The following EFR3A variants were observed in gnomAD, a reference collection of about 807,000 sequenced individuals.
EFR3A encodes protein EFR3 homolog A.
Under a neutral mutation model 104.4 loss-of-function variants are expected in EFR3A, and 76 were observed. The ratio of observed to expected loss-of-function variants is 0.73; its 90% CI spans 0.60 to 0.88. EFR3A has a LOEUF of 0.88. Ranked by LOEUF, EFR3A falls within the 40% of genes least tolerant of loss-of-function variation. The pLI is 0.00. For missense variants in EFR3A, 985 were observed against 1,012.5 expected, an observed-to-expected ratio of 0.97 and a Z score of 0.37; for synonymous variants, 330 against 330.0, an observed-to-expected ratio of 1.00 and a Z score of 0.00.
In EFR3A at chr8:131,955,760, C is replaced by T. The variant is rs779597151; in HGVS notation, c.639-8C>T. The T allele has an allele frequency of 6.3e-7, 1 of 1,598,424 alleles. No homozygotes were observed. The highest frequency in any genetic ancestry group is 8.5e-7 in the Non-Finnish European group (1 of 1,173,444). ...TTGTGTTTTTCTTTATTTCTCGTTC[C>T]TTTTTAGTCGCATAGGCCCTCCTTC... On this transcript the variant is annotated splice_polypyrimidine_tract_variant and splice_region_variant and intron_variant, in intron 6 of 22. Transcript: ENST00000254624.
chr8:131,993,913 G>T (rs1821341187), intron 18 of EFR3A, among the ~76,000 whole-genome samples: 1 of 152,068 alleles, frequency 6.6e-6, no homozygotes. Context: ...GGGGAACAAT[G>T]CACACTGGGA....
chr8:131,986,996 T>C (rs914615623), intron 17 of EFR3A, among the ~76,000 whole-genome samples: 1 of 152,136 alleles, frequency 6.6e-6, no homozygotes, highest in Non-Finnish European at 1.5e-5. Flanking sequence ...AAAATCCGTG[T>C]TATTTCCTGC....
chr8:131,977,891 C>T (rs2130730411), intron 12 of EFR3A, among the ~76,000 whole-genome samples: 1 of 152,020 alleles, frequency 6.6e-6, no homozygotes, highest in African/African-American at 2.4e-5. Flanking sequence ...AACTCCATTC[C>T]TCCTCTGATG....
intron 16 of EFR3A, 47 bp from the exon 17 acceptor site, chr8:131,986,147 G>GAGGGGT: frequency 1.0e-6 from 1 of 1,002,980 alleles, no homozygotes; most frequent in Non-Finnish European, 1.5e-6. Context: ...GCAAGGTACT[G>GAGGGGT]AGGGGTAGGG....
At chr8:131,947,247 T>A (rs1489097968) in intron 4 of EFR3A, among the ~76,000 whole-genome samples, 1 of 152,064 alleles carries the variant, frequency 6.6e-6, no homozygotes, top group Non-Finnish European at 1.5e-5. Flanking sequence ...ATTGTGGTTT[T>A]GATTTTCATT....
intron 8 of EFR3A, among the ~76,000 whole-genome samples, chr8:131,961,636 C>A (rs1043041442): frequency 6.6e-6 from 1 of 152,044 alleles, no homozygotes; most frequent in Non-Finnish European, 1.5e-5. Context: ...GAAAACACTG[C>A]AGGATATTAT....
In EFR3A at chr8:131,989,560, G is replaced by C. The variant is rs1821060763; in HGVS notation, c.2065+1858G>C. ...GGTGACACCACTAACAGCCTCTCCA[G>C]TTAGTTGCTTAATAAATTATTTGAT... On this transcript the variant is annotated intron_variant, in intron 18 of 22. Coordinates refer to ENST00000254624, the MANE Select transcript of EFR3A (RefSeq NM_015137.6). Among the ~76,000 whole-genome samples the C allele has an allele frequency of 2.0e-5, 3 of 152,170 alleles. No individual in the cohort carries two copies. The South Asian group carries it at 6.2e-4, about 32-fold the overall frequency.
At chr8:132,003,803 A>G (rs747241132) in intron 22 of EFR3A, among the ~76,000 whole-genome samples, 4 of 152,150 alleles carry the variant, frequency 2.6e-5, no homozygotes, top group Admixed American at 6.5e-5. Flanking sequence ...TCCTATGTCT[A>G]TACATTAATA....
chr8:131,979,587 G>A (rs1158347365), intron 14 of EFR3A, among the ~76,000 whole-genome samples, 166 bp downstream of exon 14: 7 of 151,962 alleles, frequency 4.6e-5, no homozygotes, highest in Non-Finnish European at 7.4e-5. Context: ...CATTCCTGTC[G>A]GTGTCTCCTC....
Position 131,986,197 on chromosome 8 carries a change from A to C in EFR3A, c.1873A>C (p.Ile625Leu). Residue 625 changes from isoleucine to leucine, a missense_variant, in exon 17 of 23, where the codon ATT (isoleucine) becomes CTT (leucine). Ile to Leu is a conservative substitution (Grantham distance 5). Coordinates refer to ENST00000254624, the MANE Select transcript of EFR3A (RefSeq NM_015137.6). ...TCTGTTTTTGAATATTTTTTAGGTT[A>C]TTGAAATTCGAACTATGGAAGCCCC... is the stretch of plus-strand genomic sequence containing the variant. ...PAFCQHVSKV[I>L]EIRTMEAPYF... is the part of the protein sequence containing the mutation. The C allele has an allele frequency of 6.4e-7, 1 of 1,571,644 alleles. No individual in the cohort carries two copies. The highest frequency in any genetic ancestry group is 8.7e-7 in the Non-Finnish European group (1 of 1,145,182).
chr8:131,946,004 A>G (rs1818419681), intron 3 of EFR3A, among the ~76,000 whole-genome samples: 1 of 152,222 alleles, frequency 6.6e-6, no homozygotes, highest in African/African-American at 2.4e-5. Flanking sequence ...TTTTAAGTAC[A>G]AGATGTAAAA....
At chr8:131,935,557 A>G in intron 1 of EFR3A, 2 of 429,178 alleles carry the variant, frequency 4.7e-6, no homozygotes, top group Non-Finnish European at 4.7e-6. Context: ...ATTATGTTAC[A>G]TGTGAGAATT....
chr8:131,991,081 G>T (rs138104157), intron 18 of EFR3A, among the ~76,000 whole-genome samples: 1 of 152,144 alleles, frequency 6.6e-6, no homozygotes, highest in South Asian at 2.1e-4. Flanking sequence ...ACAGTTCCAC[G>T]TGGCTGGGGA....
At chr8:131,985,206 G>A in intron 16 of EFR3A, 146 bp downstream of exon 16, 2 of 779,262 alleles carry the variant, frequency 2.6e-6, no homozygotes, top group Non-Finnish European at 4.1e-6. Flanking sequence ...TGAAACTACA[G>A]CTAAAACTGT....
At position 131,930,737 on chromosome 8, in the gene EFR3A, C is replaced by A. The variant is rs186878301; in HGVS notation, c.11-9762C>A. ...GTGGTCTTAGCCACAAATACCAGCT[C>A]CCTGTTGCCAGTGATAGGTCTTTAT... On this transcript the variant is annotated intron_variant, in intron 1 of 22. Transcript: ENST00000254624. Among the ~76,000 whole-genome samples the A allele has an allele frequency of 5.7e-4, 86 of 152,188 alleles. 1 individual carries two copies. Among genetic ancestry groups the A allele is most frequent in the African/African-American group, 2.0e-3 (84 of 41,558 alleles).
At chr8:132,008,649 C>G (rs1407365643) in intron 22 of EFR3A, among the ~76,000 whole-genome samples, 1 of 151,642 alleles carries the variant, frequency 6.6e-6, no homozygotes, top group African/African-American at 2.4e-5. Flanking sequence ...TGATGGAGAT[C>G]AGAACATAGT....
chr8:131,933,679 A>G (rs770469567), intron 1 of EFR3A, among the ~76,000 whole-genome samples: 1 of 152,138 alleles, frequency 6.6e-6, no homozygotes, highest in Non-Finnish European at 1.5e-5. Flanking sequence ...GTGTAAGTCT[A>G]CAACATGATT....
intron 18 of EFR3A, among the ~76,000 whole-genome samples, chr8:131,991,556 GAT>G (rs971162554): frequency 2.0e-5 from 3 of 152,126 alleles, no homozygotes; most frequent in Non-Finnish European, 4.4e-5. Context: ...GCAGTTAGGA[GAT>G]AGGACTGGGT....
At chr8:131,926,130 T>G (rs1817286673) in intron 1 of EFR3A, among the ~76,000 whole-genome samples, 1 of 152,174 alleles carries the variant, frequency 6.6e-6, no homozygotes, top group Admixed American at 6.6e-5. Flanking sequence ...GAAGACTAGC[T>G]TCATGTTATA....
Sources: gnomAD v4.1 joint callset for allele counts (sites outside exome capture counted in the v4.1 genomes callset) on GRCh38, gnomAD v4.1.1 for gene constraint, MANE v1.5 for transcripts, NCBI Gene and HGNC (gene_info 2026-07-23, HGNC 2026-07-21) for gene names.